The following FER1L6 variants were observed in gnomAD, a reference collection of about 807,000 sequenced individuals.
FER1L6 encodes fer-1 like family member 6.
A neutral mutation model predicts 219.2 loss-of-function variants in FER1L6; 177 were observed. The observed-to-expected ratio is 0.81, with a 90% confidence interval of 0.71 to 0.91. The LOEUF (loss-of-function observed/expected upper bound fraction) is 0.91, where lower values mean the gene tolerates loss of function less well. Ranked by LOEUF, FER1L6 falls within the 40% of genes least tolerant of loss-of-function variation. The probability of loss-of-function intolerance (pLI) is 0.00; values close to 1 mark genes in which losing one functional copy is unlikely to be tolerated. For synonymous variants in FER1L6, 768 were observed against 824.3 expected, an observed-to-expected ratio of 0.93 and a Z score of 1.17; for missense variants, 2,153 against 2,259.9, an observed-to-expected ratio of 0.95 and a Z score of 0.96.
chr8:123,922,476 TCA>T (rs1813395994), intron 1 of FER1L6, among the ~76,000 whole-genome samples: 1 of 152,204 alleles, frequency 6.6e-6, no homozygotes, highest in South Asian at 2.1e-4. Context: ...GCTTAGGCTC[TCA>T]GAGTATTGCC....
chr8:124,092,742 T>C (rs1237589969), intron 34 of FER1L6, among the ~76,000 whole-genome samples: 1 of 152,176 alleles, frequency 6.6e-6, no homozygotes, highest in Non-Finnish European at 1.5e-5. Context: ...CCGCTTGGCT[T>C]CTGGGGAGGC....
At chr8:123,936,644 C>T (rs1814019803) in intron 1 of FER1L6, among the ~76,000 whole-genome samples, 4 of 152,114 alleles carry the variant, frequency 2.6e-5, no homozygotes, top group Non-Finnish European at 5.9e-5. Flanking sequence ...TCAAAAGTCA[C>T]ACTCCAGGGG....
At chr8:124,066,821 G>A (rs1820849631) in intron 27 of FER1L6, among the ~76,000 whole-genome samples, 1 of 152,144 alleles carries the variant, frequency 6.6e-6, no homozygotes, top group Non-Finnish European at 1.5e-5. Context: ...GTATCTGGAG[G>A]ATCTGCCCCC....
In FER1L6 at chr8:123,975,322, C is replaced by T. The variant is rs768845112; in HGVS notation, c.683+16C>T. 1 of 1,591,396 alleles carries T rather than the reference C, an allele frequency of 6.3e-7. No homozygotes were observed. The highest frequency in any genetic ancestry group is 1.7e-5 in the Admixed American group (1 of 57,898). On this transcript the variant is annotated intron_variant, in intron 8 of 40. Coordinates refer to ENST00000522917, the MANE Select transcript of FER1L6 (RefSeq NM_001039112.2). ...CAATAGAAAAGTAAGACAGGTCCATCCTGGGTTGTGCATAGAAATGATATG... is the reference window on the plus strand; with the variant it reads ...CAATAGAAAAGTAAGACAGGTCCATTCTGGGTTGTGCATAGAAATGATATG...
intron 19 of FER1L6, 80 bp from the exon 20 acceptor site, chr8:124,039,802 A>G (rs914519153): frequency 2.0e-5 from 32 of 1,568,220 alleles, no homozygotes; most frequent in South Asian, 1.3e-4. Context: ...ATAGATGGAC[A>G]TCACACACAG....
In FER1L6 at chr8:124,060,689, C is replaced by G; in HGVS notation, c.3127C>G (p.Gln1043Glu). Residue 1043 changes from glutamine to glutamate, a missense_variant, in exon 24 of 41, where the codon CAG becomes GAG. Transcript: ENST00000522917. ...CAAGAACAACCCGAACTTCAGCATC[C>G]AGGCAGACGCTTTCGAAGTGGTGCG... ...SYKNNPNFSIQADAFEVELPE... is the reference protein window; with the variant it reads ...SYKNNPNFSIEADAFEVELPE... 6.2e-7 allele frequency: 1 copy of G among 1,613,974 alleles called. No individual in the cohort carries two copies. Among genetic ancestry groups the G allele is most frequent in the Non-Finnish European group, 8.5e-7 (1 of 1,179,880 alleles).
intron 1 of FER1L6, among the ~76,000 whole-genome samples, chr8:123,893,049 T>C (rs1340349293): frequency 6.6e-6 from 1 of 152,210 alleles, no homozygotes; most frequent in Non-Finnish European, 1.5e-5. Flanking sequence ...ATGATTATTA[T>C]GTTAAATTGT....
chr8:123,984,269 T>A (rs186780560), intron 11 of FER1L6: 2 of 152,288 alleles, frequency 1.3e-5, no homozygotes, highest in East Asian at 3.9e-4. Flanking sequence ...AGAATAGACA[T>A]GATTTGCTTA....
rs370164640 is a variant in FER1L6 at position 124,013,516 on chromosome 8, T to A, written c.1907T>A (p.Phe636Tyr). 3.5e-5 allele frequency: 56 copies of A among 1,606,626 alleles called. No individual in the cohort carries two copies. The highest frequency in any genetic ancestry group is 5.4e-5 in the African/African-American group (4 of 74,556). ...AAAATGAAAACAGTGCTCAGTGACT[T>A]CATCAGTCGGAGCAGGTACCGGGAG... ...EEKMKTVLSDFISRSSAFISE... is the reference protein window; with the variant it reads ...EEKMKTVLSDYISRSSAFISE... The change falls in exon 15 of 41, where the codon TTC (phenylalanine) becomes TAC (tyrosine). Residue 636 changes from phenylalanine to tyrosine, a missense_variant. By Grantham distance (22) the Phe-to-Tyr change is conservative. Coordinates refer to ENST00000522917, the MANE Select transcript of FER1L6 (RefSeq NM_001039112.2).
intron 24 of FER1L6, 91 bp downstream of exon 24, chr8:124,060,800 A>T: frequency 7.3e-7 from 1 of 1,372,572 alleles, no homozygotes; most frequent in Non-Finnish European, 1.0e-6. Context: ...TAGCTGCGAG[A>T]AAGAATTAAT....
chr8:124,057,346 T>C (rs756726355), intron 22 of FER1L6, among the ~76,000 whole-genome samples: 5 of 152,236 alleles, frequency 3.3e-5, no homozygotes, highest in Non-Finnish European at 5.9e-5. Context: ...TGTTGCTCCT[T>C]AAAAAGTGAT....
intron 33 of FER1L6, among the ~76,000 whole-genome samples, chr8:124,086,482 T>C (rs1821790460): frequency 6.6e-6 from 1 of 151,862 alleles, no homozygotes; most frequent in Admixed American, 6.6e-5. Context: ...TGATGAAAAC[T>C]CTATATTTTC....
Position 123,977,451 on chromosome 8 carries a change from C to G in FER1L6, c.905C>G (p.Pro302Arg), listed in dbSNP as rs554414886. The G allele has an allele frequency of 7.1e-5, 115 of 1,614,062 alleles. No homozygotes were observed. In the South Asian group the frequency reaches 1.2e-3, roughly 16 times the overall value. ...RTTVQKNCAD[P>R]VWHEQVIFKE... The stretch of plus-strand genomic sequence containing the variant: ...ACAGTGCAGAAGAACTGTGCTGATC[C>G]TGTGTGGCATGAACAGGTGATCTTC... The change falls in exon 10 of 41, where the codon CCT (proline) becomes CGT (arginine). Residue 302 changes from proline to arginine, a missense_variant. Transcript: ENST00000522917.
intron 1 of FER1L6, among the ~76,000 whole-genome samples, chr8:123,929,641 A>G (rs1813694353): frequency 1.3e-5 from 2 of 152,044 alleles, no homozygotes; most frequent in African/African-American, 4.8e-5. Context: ...TGACTCTGTC[A>G]TTTATATCCT....
chr8:123,940,000 T>C (rs1409818343), intron 1 of FER1L6, among the ~76,000 whole-genome samples: 1 of 152,210 alleles, frequency 6.6e-6, no homozygotes, highest in East Asian at 1.9e-4. Flanking sequence ...TATCAGCTGT[T>C]AGCATGGCAC....
intron 1 of FER1L6, among the ~76,000 whole-genome samples, chr8:123,866,887 G>T (rs550762989): frequency 2.3e-4 from 35 of 152,184 alleles, no homozygotes; most frequent in South Asian, 1.5e-3. Flanking sequence ...CCAAAGTACT[G>T]GTATTACAGA....
intron 1 of FER1L6, among the ~76,000 whole-genome samples, chr8:123,954,081 C>T (rs1181736780): frequency 6.6e-6 from 1 of 152,100 alleles, no homozygotes; most frequent in African/African-American, 2.4e-5. Context: ...GCTACATTAC[C>T]TCATTTTATT....
At chr8:123,856,887 G>A (rs1179956311) in intron 1 of FER1L6, among the ~76,000 whole-genome samples, 4 of 152,048 alleles carry the variant, frequency 2.6e-5, no homozygotes, top group East Asian at 1.9e-4. Context: ...CAAGCTGGGC[G>A]GGTCAGATGG....
chr8:124,097,212 T>C (rs1040435169), intron 35 of FER1L6, 59 bp from the exon 36 acceptor site: 21 of 1,227,522 alleles, frequency 1.7e-5, no homozygotes, highest in South Asian at 7.6e-5. Flanking sequence ...GAATTATCAA[T>C]TACCCATGTC....
Sources: gnomAD v4.1 joint callset for allele counts (sites outside exome capture counted in the v4.1 genomes callset) on GRCh38, gnomAD v4.1.1 for gene constraint, MANE v1.5 for transcripts, NCBI Gene and HGNC (gene_info 2026-07-23, HGNC 2026-07-21) for gene names.